The following METTL15 variants were observed in gnomAD, a reference collection of about 807,000 sequenced individuals.
METTL15 encodes the protein methyltransferase 15, mitochondrial 12S rRNA N4-cytidine, also known as 12S rRNA N(4)-cytidine methyltransferase METTL15.
In METTL15, 34 loss-of-function variants were observed where a neutral mutation model predicts 38.3. The ratio of observed to expected loss-of-function variants is 0.89; its 90% CI spans 0.68 to 1.18. The LOEUF (loss-of-function observed/expected upper bound fraction) is 1.18, where lower values mean the gene tolerates loss of function less well. METTL15 is among the 50% of genes most tolerant of loss of function. The pLI is 0.00. For missense variants in METTL15, 438 were observed against 498.4 expected (o/e 0.88, Z 1.15); for synonymous variants, 162 against 170.9 (o/e 0.95, Z 0.41).
At chr11:28,228,967 C>T (rs1394262616) in intron 4 of METTL15, among the ~76,000 whole-genome samples, 2 of 151,774 alleles carry the variant, frequency 1.3e-5, no homozygotes, top group African/African-American at 4.8e-5. Context: ...ATCAAACAGT[C>T]TTGATTTAGA....
chr11:28,231,005 G>A (rs1853663201), intron 4 of METTL15, among the ~76,000 whole-genome samples: 1 of 151,772 alleles, frequency 6.6e-6, no homozygotes, highest in African/African-American at 2.4e-5. Flanking sequence ...TCTCCTGGCA[G>A]GGAAAATACC....
At chr11:28,314,138 T>C (rs1382179227) in intron 6 of METTL15, among the ~76,000 whole-genome samples, 3 of 152,240 alleles carry the variant, frequency 2.0e-5, no homozygotes, top group African/African-American at 7.2e-5. Context: ...ATTGTATATG[T>C]AATCTTTAAT....
intron 5 of METTL15, among the ~76,000 whole-genome samples, chr11:28,389,928 C>G (rs935325563): frequency 2.6e-5 from 4 of 152,072 alleles, no homozygotes; most frequent in African/African-American, 9.7e-5. Context: ...GCCATTCTAA[C>G]TGGTATGAGA....
In METTL15 at chr11:28,324,036, A is replaced by T. The variant is rs2134051956; in HGVS notation, c.779-6360A>T. On this transcript the variant is annotated intron_variant, in intron 6 of 6. Transcript: ENST00000407364. ...CTGGGTTTAGTGCACGCTTACTTTT[A>T]AAAGTTTATTTAACATGAAAACATC... is the stretch of plus-strand genomic sequence containing the variant. Among the ~76,000 whole-genome samples the T allele has an allele frequency of 2.0e-5, 3 of 152,330 alleles. 1 individual carries two copies. The South Asian group carries it at 6.2e-4, about 32-fold the overall frequency.
chr11:28,479,641 G>A (rs1851379046), intron 6 of METTL15, among the ~76,000 whole-genome samples: 1 of 152,124 alleles, frequency 6.6e-6, no homozygotes, highest in African/African-American at 2.4e-5. Flanking sequence ...CTCAAATAGT[G>A]ATAAATGATA....
At chr11:28,186,447 G>T (rs896248200) in intron 3 of METTL15, among the ~76,000 whole-genome samples, 4 of 151,108 alleles carry the variant, frequency 2.6e-5, no homozygotes, top group African/African-American at 9.7e-5. Context: ...TGTTTGGAGA[G>T]TTAATTTTAT....
At chr11:28,340,178 AT>A (rs1037537898) in intron 3 of METTL15, among the ~76,000 whole-genome samples, 2 of 152,168 alleles carry the variant, frequency 1.3e-5, no homozygotes, top group Non-Finnish European at 2.9e-5. Context: ...CATTTTAAAA[AT>A]GATTCCAACA....
chr11:28,338,665 A>G (rs1314646417), intron 3 of METTL15, among the ~76,000 whole-genome samples: 1 of 152,114 alleles, frequency 6.6e-6, no homozygotes, highest in African/African-American at 2.4e-5. Flanking sequence ...TATCAAAACA[A>G]TAATGAAAGA....
At chr11:28,453,056 G>T (rs1035955370) in intron 6 of METTL15, among the ~76,000 whole-genome samples, 8 of 152,174 alleles carry the variant, frequency 5.3e-5, no homozygotes, top group African/African-American at 1.9e-4. Context: ...GATACAGTAT[G>T]GATCCCTACA....
intron 5 of METTL15, among the ~76,000 whole-genome samples, chr11:28,390,695 T>C (rs1271788523): frequency 6.6e-6 from 1 of 152,234 alleles, no homozygotes; most frequent in East Asian, 1.9e-4. Flanking sequence ...TGGCTTAGGA[T>C]TGACTTGGCA....
At chr11:28,375,645 G>GT (rs1183476732) in intron 5 of METTL15, among the ~76,000 whole-genome samples, 2 of 151,940 alleles carry the variant, frequency 1.3e-5, no homozygotes, top group African/African-American at 2.4e-5. Flanking sequence ...TTTTTGAAGG[G>GT]TTTTTTGTGT....
chr11:28,419,461 C>G (rs972539174), intron 5 of METTL15, among the ~76,000 whole-genome samples: 1 of 152,188 alleles, frequency 6.6e-6, no homozygotes, highest in Non-Finnish European at 1.5e-5. Flanking sequence ...CCCCCTAATA[C>G]AGATATGGCT....
intron 4 of METTL15, among the ~76,000 whole-genome samples, chr11:28,254,845 A>G (rs767676042): frequency 5.3e-5 from 8 of 151,732 alleles, no homozygotes; most frequent in Admixed American, 4.6e-4. Context: ...GTGTCTGTTT[A>G]GGCTGTTTTG....
At chr11:28,293,902 A>T (rs1334179212) in intron 5 of METTL15, among the ~76,000 whole-genome samples, 1 of 152,100 alleles carries the variant, frequency 6.6e-6, no homozygotes, top group Non-Finnish European at 1.5e-5. Context: ...TTGCACATTG[A>T]TTTTATATCC....
intron 3 of METTL15, among the ~76,000 whole-genome samples, chr11:28,148,824 A>G (rs1849978657): frequency 6.6e-6 from 1 of 151,926 alleles, no homozygotes; most frequent in Non-Finnish European, 1.5e-5. Flanking sequence ...GTCAAGTAGT[A>G]TTCTTAAGTT....
chr11:28,260,115 A>G (rs1445790147), intron 4 of METTL15, among the ~76,000 whole-genome samples: 1 of 152,014 alleles, frequency 6.6e-6, no homozygotes, highest in Admixed American at 6.6e-5. Context: ...AATCTATTCA[A>G]CCTCATCTTT....
chr11:28,349,475 C>T (rs886119583), intron 3 of METTL15, among the ~76,000 whole-genome samples: 43 of 152,328 alleles, frequency 2.8e-4, no homozygotes, highest in African/African-American at 9.9e-4. Context: ...GAGCTACTAA[C>T]ATGTCTTTAT....
chr11:28,212,249 A>G (rs537750473), intron 4 of METTL15, among the ~76,000 whole-genome samples: 1 of 152,228 alleles, frequency 6.6e-6, no homozygotes, highest in Non-Finnish European at 1.5e-5. Context: ...CATAGGATTT[A>G]TGGAGTCCCT....
At chr11:28,379,303 A>G (rs1226116957) in intron 5 of METTL15, among the ~76,000 whole-genome samples, 1 of 152,018 alleles carries the variant, frequency 6.6e-6, no homozygotes, top group East Asian at 1.9e-4. Context: ...TGAATGATCT[A>G]CTTATTTGAA....
Sources: gnomAD v4.1 joint callset for allele counts (sites outside exome capture counted in the v4.1 genomes callset) on GRCh38, gnomAD v4.1.1 for gene constraint, MANE v1.5 for transcripts, NCBI Gene and HGNC (gene_info 2026-07-23, HGNC 2026-07-21) for gene names.